Variants in ZNF780A observed in about 807,000 individuals in gnomAD.
ZNF780A encodes the protein zinc finger protein 780A.
In ZNF780A, 40 loss-of-function variants were observed where a neutral mutation model predicts 56.7. The observed-to-expected ratio is 0.71, with a 90% CI of 0.55 to 0.92. ZNF780A has a LOEUF of 0.92. ZNF780A is among the 40% of genes least tolerant of loss of function. ZNF780A has a pLI of 0.00. For missense variants in ZNF780A, 672 were observed against 783.3 expected (o/e 0.86, Z 1.70); for synonymous variants, 231 against 248.3 (o/e 0.93, Z 0.66).
intron 2 of ZNF780A, among the ~76,000 whole-genome samples, chr19:40,087,934 T>A (rs1466806099): frequency 6.6e-6 from 1 of 152,188 alleles, no homozygotes; most frequent in Admixed American, 6.5e-5. Context: ...CAAAAAATAC[T>A]GTTGTGAAAA....
chr19:40,084,650 G>A (rs996713183), intron 3 of ZNF780A, 95 bp downstream of exon 3: 43 of 1,309,404 alleles, frequency 3.3e-5, no homozygotes, highest in Admixed American at 7.1e-5. Context: ...GTGTAAGATC[G>A]TGAATTCTAG....
At position 40,073,437 on chromosome 19, in the gene ZNF780A, T is replaced by C; in HGVS notation, c.*1079A>G. On this transcript the variant is annotated 3_prime_UTR_variant, in exon 6 of 6. Coordinates refer to ENST00000683561, the MANE Select transcript of ZNF780A (RefSeq NM_001142578.2). The stretch of plus-strand genomic sequence containing the variant: ...AAATGCACACCTGACGTTGGGAAAA[T>C]GGACCTGATCGTCTTGCTCACCACA... The C allele has an allele frequency of 1.3e-6, 1 of 765,522 alleles. No individual in the cohort carries two copies. The highest frequency in any genetic ancestry group is 1.6e-6 in the Non-Finnish European group (1 of 630,360). The allele number at this position is 765,522 out of a possible 1,614,324, so 47.4% of individuals were successfully genotyped here.
intron 5 of ZNF780A, among the ~76,000 whole-genome samples, chr19:40,077,212 G>A (rs1019667524): frequency 4.6e-5 from 7 of 152,210 alleles, no homozygotes; most frequent in East Asian, 1.9e-4. Context: ...TTGTGTCCTC[G>A]TGCTAGGCCA....
intron 5 of ZNF780A, among the ~76,000 whole-genome samples, chr19:40,076,890 C>G (rs1974170190): frequency 6.6e-6 from 1 of 152,156 alleles, no homozygotes; most frequent in African/African-American, 2.4e-5. Flanking sequence ...ACCGGAAGTT[C>G]TGGGGACTGG....
At chr19:40,083,063 A>G (rs1974572976) in intron 4 of ZNF780A, 48 bp downstream of exon 4, 1 of 1,613,810 alleles carries the variant, frequency 6.2e-7, no homozygotes, top group African/African-American at 1.3e-5. Context: ...AAGAAAGCTG[A>G]TATTCCAGAA....
At position 40,075,958 on chromosome 19, in the gene ZNF780A, G is replaced by A. The variant is rs1320927376; in HGVS notation, c.484C>T (p.His162Tyr). 6.2e-7 allele frequency: 1 copy of A among 1,613,524 alleles called. No homozygotes were observed. The highest frequency in any genetic ancestry group is 8.5e-7 in the Non-Finnish European group (1 of 1,179,814). ...CATTCCTTACATTCATACGGTTTAT[G>A]TGTATTGCAAATAAGAGAAGCATGA... is the stretch of plus-strand genomic sequence containing the variant. ...TPHASLICNT[H>Y]KPYECKECGK... Residue 162 changes from histidine to tyrosine, a missense_variant, in exon 6 of 6, where the codon CAT (histidine) becomes TAT (tyrosine). Coordinates refer to ENST00000683561, the MANE Select transcript of ZNF780A (RefSeq NM_001142578.2).
intron 5 of ZNF780A, among the ~76,000 whole-genome samples, chr19:40,078,912 TAA>T (rs1974314815): frequency 2.6e-5 from 4 of 151,410 alleles, no homozygotes; most frequent in Admixed American, 2.6e-4. Context: ...TGATGAAAAA[TAA>T]AAGAGAAAGA....
chr19:40,082,642 T>A (rs956326383), intron 4 of ZNF780A, among the ~76,000 whole-genome samples: 1 of 152,144 alleles, frequency 6.6e-6, no homozygotes, highest in Non-Finnish European at 1.5e-5. Flanking sequence ...CAGGCTGGAG[T>A]GCAGTGATGG....
At chr19:40,085,974 GTATATATATATTTA>G (rs1974773281) in intron 2 of ZNF780A, among the ~76,000 whole-genome samples, 1 of 149,162 alleles carries the variant, frequency 6.7e-6, no homozygotes, top group Non-Finnish European at 1.5e-5. Flanking sequence ...ATGTGTGTGT[GTATATATATATTTA>G]TATATATATA....
chr19:40,083,743 T>G (rs936100057), intron 3 of ZNF780A, among the ~76,000 whole-genome samples: 3 of 151,912 alleles, frequency 2.0e-5, no homozygotes, highest in Non-Finnish European at 2.9e-5. Flanking sequence ...TGGTATGAGA[T>G]GACAGCAAAA....
At position 40,073,582 on chromosome 19, in the gene ZNF780A, C is replaced by T. The variant is rs150418733; in HGVS notation, c.*934G>A. 0.011 allele frequency: 11,279 copies of T among 985,802 alleles called. 79 individuals are homozygous for T. The highest frequency in any genetic ancestry group is 0.013 in the Middle Eastern group (25 of 1,914). 61.1% of individuals were successfully genotyped at this position (985,802 alleles called of 1,614,324 possible). A position where few individuals can be genotyped will look rare whatever the true frequency, so the allele number is the denominator to read the frequency against. ...AGTACATTGTGAACATGACAACTAC[C>T]CTATATTCCTCATTCAAAGACTTTC... On this transcript the variant is annotated 3_prime_UTR_variant, in exon 6 of 6. Transcript: ENST00000683561.
At chr19:40,083,020 A>G in intron 4 of ZNF780A, 91 bp downstream of exon 4, 1 of 1,599,704 alleles carries the variant, frequency 6.3e-7, no homozygotes, top group South Asian at 1.1e-5. Context: ...GAATTCAGCC[A>G]CCTCTTAAAA....
At chr19:40,081,748 T>C in intron 5 of ZNF780A, 71 bp downstream of exon 5, 2 of 1,314,842 alleles carry the variant, frequency 1.5e-6, no homozygotes, top group South Asian at 1.2e-5. Flanking sequence ...ACATCTCAAG[T>C]GTATGACTCC....
At chr19:40,083,724 A>G (rs1170308772) in intron 3 of ZNF780A, among the ~76,000 whole-genome samples, 5 of 151,846 alleles carry the variant, frequency 3.3e-5, no homozygotes, top group Non-Finnish European at 7.4e-5. Flanking sequence ...TTAATCCTCA[A>G]GTTCATTATG....
Position 40,074,638 on chromosome 19 carries a change from G to A in ZNF780A, c.1804C>T (p.Arg602Ter), listed in dbSNP as rs149702621. Residue 602 changes from arginine to a stop codon, truncating the protein, a stop_gained, in exon 6 of 6, where the codon CGA becomes TGA. Coordinates refer to ENST00000683561, the MANE Select transcript of ZNF780A (RefSeq NM_001142578.2). LOFTEE classifies it high-confidence loss of function. ...KAFRLHMQLI[R>*]HQKLHTGEKP... ...TCACCAGTATGCAATTTCTGATGTCGAATAAGTTGCATATGAAGTCGAAAG... is the reference window on the plus strand; with the variant it reads ...TCACCAGTATGCAATTTCTGATGTCAAATAAGTTGCATATGAAGTCGAAAG... 1.0e-3 allele frequency: 1,663 copies of A among 1,613,530 alleles called. 3 individuals carry two copies. The highest frequency in any genetic ancestry group is 1.3e-3 in the Non-Finnish European group (1,496 of 1,179,728).
rs1438575508 is a variant in ZNF780A, at chr19:40,074,301, T to C, written c.*215A>G. 6.7e-7 allele frequency: 1 copy of C among 1,494,622 alleles called. No homozygotes were observed. Among genetic ancestry groups the C allele is most frequent in the East Asian group, 2.3e-5 (1 of 43,254 alleles). The allele number at this position is 1,494,622 out of a possible 1,614,324, so 92.6% of individuals were successfully genotyped here. On this transcript the variant is annotated 3_prime_UTR_variant, in exon 6 of 6. Transcript: ENST00000683561. ...TTTACCAGTGTGAATTTGGTAATGT[T>C]AAATAAGTGGTAATGATATCTAAAG... is the stretch of plus-strand genomic sequence containing the variant.
At chr19:40,084,032 T>TG (rs1321731222) in intron 3 of ZNF780A, among the ~76,000 whole-genome samples, 1 of 152,076 alleles carries the variant, frequency 6.6e-6, no homozygotes, top group Non-Finnish European at 1.5e-5. Context: ...CCTGTGCAGC[T>TG]GGGATTACAG....
intron 4 of ZNF780A, among the ~76,000 whole-genome samples, chr19:40,082,433 G>C (rs1974532466): frequency 6.6e-6 from 1 of 152,066 alleles, no homozygotes; most frequent in Non-Finnish European, 1.5e-5. Context: ...AGCTCACTCA[G>C]TATATTCACT....
At position 40,074,514 on chromosome 19, in the gene ZNF780A, A is replaced by T; in HGVS notation, c.*2T>A. The T allele has an allele frequency of 6.2e-7, 1 of 1,613,612 alleles. No homozygotes were observed. The highest frequency in any genetic ancestry group is 8.5e-7 in the Non-Finnish European group (1 of 1,179,732). ...TTAAAGGACTTTCCACATTCCTTAC[A>T]TTCAAGATGCCTTCTCACCTGTGTG... On this transcript the variant is annotated 3_prime_UTR_variant, in exon 6 of 6. Transcript: ENST00000683561.
Sources: allele counts gnomAD v4.1 joint callset (sites outside exome capture counted in the v4.1 genomes callset), GRCh38; gene constraint gnomAD v4.1.1; transcripts MANE v1.5; gene names NCBI Gene and HGNC (gene_info 2026-07-23, HGNC 2026-07-21).